WSB2: variants seen among roughly 807,000 people sequenced by gnomAD.
WSB2 encodes WD repeat and SOCS box containing 2.
WSB2 carries 12 observed loss-of-function variants against 48.8 expected under a neutral mutation model. The ratio of observed to expected loss-of-function variants is 0.25; its 90% confidence interval spans 0.16 to 0.40. The LOEUF (loss-of-function observed/expected upper bound fraction) is 0.40, where lower values mean the gene tolerates loss of function less well. Ranked by LOEUF, WSB2 falls within the 10% of genes least tolerant of loss-of-function variation. The probability of loss-of-function intolerance (pLI) is 1.00; values close to 1 mark genes in which losing one functional copy is unlikely to be tolerated. For missense variants in WSB2, 317 were observed against 506.2 expected, an observed-to-expected ratio of 0.63 and a Z score of 3.59; for synonymous variants, 191 against 203.1, an observed-to-expected ratio of 0.94 and a Z score of 0.51.
intron 2 of WSB2, among the ~76,000 whole-genome samples, chr12:118,050,229 A>G (rs987145695): frequency 3.3e-5 from 5 of 152,228 alleles, no homozygotes; most frequent in African/African-American, 1.2e-4. Context: ...GGCTGAATGA[A>G]TAAATACAGA....
intron 2 of WSB2, among the ~76,000 whole-genome samples, chr12:118,048,735 GA>G (rs1212591458): frequency 1.3e-5 from 2 of 151,912 alleles, no homozygotes. Context: ...AGCTAATAGT[GA>G]AAAGATATAT....
In WSB2 at chr12:118,061,078, G is replaced by A. The variant is rs1291600695; in HGVS notation, c.-30C>T. ...GACGCGAGCGGCCCCCGCGGCAGGC[G>A]GCGGGCGCCTCAGCCCCCCGGGCCG... On this transcript the variant is annotated 5_prime_UTR_variant, in exon 1 of 9. Transcript: ENST00000315436. 9.2e-6 allele frequency: 9 copies of A among 981,884 alleles called. No homozygotes were observed. The Admixed American group carries it at 3.8e-4, about 41-fold the overall frequency. The allele number at this position is 981,884 out of a possible 1,614,324, so 60.8% of individuals were successfully genotyped here.
intron 1 of WSB2, among the ~76,000 whole-genome samples, chr12:118,055,607 C>CTTTTTTTT (rs748354611): frequency 1.3e-3 from 103 of 81,714 alleles, no homozygotes; most frequent in South Asian, 3.6e-3. Context: ...CTACATTATC[C>CTTTTTTTT]TTTTTTTTTT....
intron 4 of WSB2, among the ~76,000 whole-genome samples, chr12:118,041,003 C>T (rs1168969008): frequency 1.3e-5 from 2 of 152,210 alleles, no homozygotes; most frequent in Non-Finnish European, 2.9e-5. Flanking sequence ...GAGCTGAGAT[C>T]GTGCCACTGC....
chr12:118,043,745 C>T (rs1271150590), intron 2 of WSB2, among the ~76,000 whole-genome samples: 3 of 152,144 alleles, frequency 2.0e-5, no homozygotes, highest in Non-Finnish European at 4.4e-5. Flanking sequence ...CCCCACCCGG[C>T]CACATAAGAC....
intron 1 of WSB2, among the ~76,000 whole-genome samples, chr12:118,054,645 C>T (rs1469929721): frequency 1.3e-5 from 2 of 151,462 alleles, no homozygotes; most frequent in Non-Finnish European, 2.9e-5. Context: ...TCATTGCACT[C>T]CAGCCTGGGC....
At chr12:118,047,809 A>G (rs766960906) in intron 2 of WSB2, among the ~76,000 whole-genome samples, 19 of 152,354 alleles carry the variant, frequency 1.2e-4, no homozygotes, top group Non-Finnish European at 2.1e-4. Flanking sequence ...CAAAGTAAAA[A>G]TTACCTATAA....
chr12:118,059,331 T>C (rs992094419), intron 1 of WSB2, among the ~76,000 whole-genome samples: 3 of 152,206 alleles, frequency 2.0e-5, no homozygotes, highest in Non-Finnish European at 2.9e-5. Context: ...TTAATGTGGC[T>C]ACTTGAACAT....
At chr12:118,046,483 A>G (rs2031748957) in intron 2 of WSB2, among the ~76,000 whole-genome samples, 1 of 149,564 alleles carries the variant, frequency 6.7e-6, no homozygotes, top group African/African-American at 2.5e-5. Flanking sequence ...AAAAAAAAAA[A>G]GAAAGAAAAA....
rs575792865 is a variant in WSB2, at chr12:118,046,057, C to T, written c.183-2680G>A. Among the ~76,000 whole-genome samples the T allele has an allele frequency of 9.2e-5, 14 of 152,258 alleles. 1 individual carries two copies. Among genetic ancestry groups the T allele is most frequent in the South Asian group, 6.2e-4 (3 of 4,824 alleles). On this transcript the variant is annotated intron_variant, in intron 2 of 8. Coordinates refer to ENST00000315436, the MANE Select transcript of WSB2 (RefSeq NM_018639.5). The stretch of plus-strand genomic sequence containing the variant: ...TCTTGTCAATAAAGTTTTATTGGAA[C>T]GCAGCCACAGGCATTTGGTTAGGTA...
In WSB2 at chr12:118,057,917, CA is replaced by C. The variant is rs2031987816; in HGVS notation, c.13+3118del. On this transcript the variant is annotated intron_variant, in intron 1 of 8. Coordinates refer to ENST00000315436, the MANE Select transcript of WSB2 (RefSeq NM_018639.5). ...GGCTACGGGGGCGTACCACCACACT[CA>C]GCATTTTTTTTTTTTTTAAATTAAA... Among the ~76,000 whole-genome samples the C allele has an allele frequency of 2.2e-5, 3 of 136,500 alleles. No homozygotes were observed. In the Admixed American group the frequency reaches 2.3e-4, roughly 10 times the overall value. The allele number at this position is 136,500 out of a possible 152,430, so 89.5% of individuals were successfully genotyped here. A position where few individuals can be genotyped will look rare whatever the true frequency, so the allele number is the denominator to read the frequency against.
intron 1 of WSB2, among the ~76,000 whole-genome samples, chr12:118,054,866 G>A (rs1176135214): frequency 6.6e-6 from 1 of 151,190 alleles, no homozygotes; most frequent in Non-Finnish European, 1.5e-5. Context: ...GAGGTTCTAT[G>A]TGTAAATTTG....
At chr12:118,044,642 T>A (rs1264744273) in intron 2 of WSB2, among the ~76,000 whole-genome samples, 1 of 152,104 alleles carries the variant, frequency 6.6e-6, no homozygotes, top group East Asian at 1.9e-4. Flanking sequence ...AATCCCACCC[T>A]CTCCTACAAT....
intron 4 of WSB2, among the ~76,000 whole-genome samples, chr12:118,039,546 C>G (rs1299617043): frequency 3.3e-5 from 5 of 151,938 alleles, no homozygotes; most frequent in Admixed American, 3.3e-4. Context: ...GGTATATACT[C>G]CTAACACAGG....
intron 4 of WSB2, among the ~76,000 whole-genome samples, chr12:118,041,601 A>G (rs975650239): frequency 6.6e-6 from 1 of 151,912 alleles, no homozygotes; most frequent in Non-Finnish European, 1.5e-5. Flanking sequence ...TGGCCTCTTC[A>G]TGACCCTCCT....
At chr12:118,053,257 C>G (rs944613465) in intron 1 of WSB2, among the ~76,000 whole-genome samples, 16 of 152,136 alleles carry the variant, frequency 1.1e-4, no homozygotes, top group African/African-American at 3.9e-4. Flanking sequence ...CTTCCCTTGT[C>G]CCCTCCCTGC....
rs1555267383 is a variant in WSB2, at chr12:118,034,572, G to GTGCT, written c.1053-215_1053-214insAGCA. 3.5e-5 allele frequency: 16 copies of GTGCT among 453,580 alleles called. No homozygotes were observed. The Admixed American group carries it at 5.7e-4, about 16-fold the overall frequency. 28.1% of individuals were successfully genotyped at this position (453,580 alleles called of 1,614,324 possible). On this transcript the variant is annotated intron_variant, in intron 8 of 8. Transcript: ENST00000315436. Reference sequence around the variant, plus strand: ...AACTCAAGACACCTGTGATACCAAAGCGCTCTCTCTGTCTCTCTCTCGGCA... The same window carrying GTGCT: ...AACTCAAGACACCTGTGATACCAAAGTGCTCGCTCTCTCTGTCTCTCTCTCGGCA...
intron 1 of WSB2, among the ~76,000 whole-genome samples, chr12:118,057,679 A>G (rs968914795): frequency 5.9e-5 from 9 of 152,108 alleles, no homozygotes; most frequent in Non-Finnish European, 1.2e-4. Context: ...TCATTACCAT[A>G]TATGCATTAC....
intron 1 of WSB2, among the ~76,000 whole-genome samples, chr12:118,054,190 G>T (rs1236196966): frequency 7.3e-6 from 1 of 136,068 alleles, no homozygotes; most frequent in Admixed American, 8.0e-5. Flanking sequence ...TGGCAAACAT[G>T]GTGAAACCAT....
Sources: allele counts gnomAD v4.1 joint callset (sites outside exome capture counted in the v4.1 genomes callset), GRCh38; gene constraint gnomAD v4.1.1; transcripts MANE v1.5; gene names NCBI Gene and HGNC (gene_info 2026-07-23, HGNC 2026-07-21).